PTCHD4: variants seen among roughly 807,000 people sequenced by gnomAD.
PTCHD4 encodes patched domain containing 4.
PTCHD4 carries 33 observed loss-of-function variants against 58.1 expected under a neutral mutation model. That is an observed-to-expected ratio of 0.57 (90% CI 0.43 to 0.76). PTCHD4 has a LOEUF of 0.76. Among genes scored for constraint, PTCHD4 ranks in the 30% least tolerant of loss-of-function variants. The probability of loss-of-function intolerance (pLI) is 0.00; values close to 1 mark genes in which losing one functional copy is unlikely to be tolerated. For synonymous variants in PTCHD4, 478 were observed against 409.6 expected (o/e 1.17, Z -2.02); for missense variants, 1,058 against 1,027.1 (o/e 1.03, Z -0.41).
At chr6:48,060,757 G>A (rs2113868288) in intron 3 of PTCHD4, among the ~76,000 whole-genome samples, 1 of 152,286 alleles carries the variant, frequency 6.6e-6, no homozygotes, top group South Asian at 2.1e-4. Context: ...TTGCAGGCGT[G>A]AGCCACCGTG....
intron 4 of PTCHD4, among the ~76,000 whole-genome samples, chr6:47,937,877 G>C (rs1766060971): frequency 6.6e-6 from 1 of 152,178 alleles, no homozygotes; most frequent in African/African-American, 2.4e-5. Context: ...TTTTGGCTGG[G>C]CGGGTTGGCT....
chr6:47,916,382 G>C (rs1047363284), intron 4 of PTCHD4, among the ~76,000 whole-genome samples: 1 of 152,014 alleles, frequency 6.6e-6, no homozygotes, highest in African/African-American at 2.4e-5. Context: ...GGAATCCTCA[G>C]CAAACCACCC....
chr6:48,102,173 C>T (rs773810058), intron 1 of PTCHD4, among the ~76,000 whole-genome samples: 7 of 152,194 alleles, frequency 4.6e-5, no homozygotes, highest in Non-Finnish European at 7.3e-5. Context: ...TAGCAAACTC[C>T]TCACTCTTCT....
intron 4 of PTCHD4, among the ~76,000 whole-genome samples, chr6:47,886,637 A>G (rs1764202232): frequency 6.6e-6 from 1 of 152,240 alleles, no homozygotes; most frequent in African/African-American, 2.4e-5. Flanking sequence ...TAAATGAATG[A>G]ATAATGAATA....
intron 3 of PTCHD4, among the ~76,000 whole-genome samples, chr6:48,018,960 T>C (rs1327702405): frequency 6.6e-6 from 1 of 152,202 alleles, no homozygotes; most frequent in African/African-American, 2.4e-5. Context: ...AGAAATTCTC[T>C]TCTAAAAAGG....
At chr6:47,947,669 G>A (rs750338544) in intron 4 of PTCHD4, among the ~76,000 whole-genome samples, 7 of 151,890 alleles carry the variant, frequency 4.6e-5, no homozygotes, top group Non-Finnish European at 7.4e-5. Flanking sequence ...TCCATTGGGT[G>A]TTCTTTTCCT....
intron 1 of PTCHD4, among the ~76,000 whole-genome samples, chr6:48,084,039 T>TAA (rs548591757): frequency 1.3e-5 from 2 of 148,940 alleles, no homozygotes; most frequent in Admixed American, 6.7e-5. Context: ...TAGCAGTGAT[T>TAA]AAAAAAAAAA....
chr6:48,011,087 T>C (rs1262496172), intron 3 of PTCHD4, among the ~76,000 whole-genome samples: 1 of 152,240 alleles, frequency 6.6e-6, no homozygotes. Flanking sequence ...CCTTTGGTTA[T>C]ATGCCCAGCA....
intron 4 of PTCHD4, among the ~76,000 whole-genome samples, chr6:47,891,738 C>G (rs892554998): frequency 6.6e-6 from 1 of 152,050 alleles, no homozygotes; most frequent in Admixed American, 6.6e-5. Context: ...CTAAAATACT[C>G]CATGGTCCCC....
chr6:47,961,052 T>G (rs1372264245), intron 4 of PTCHD4, among the ~76,000 whole-genome samples: 2 of 150,578 alleles, frequency 1.3e-5, no homozygotes, highest in Non-Finnish European at 2.9e-5. Context: ...AACAGCAGAA[T>G]TTACAGAGAG....
chr6:48,038,411 G>T (rs1423600978), intron 3 of PTCHD4, among the ~76,000 whole-genome samples: 2 of 151,998 alleles, frequency 1.3e-5, no homozygotes, highest in African/African-American at 4.8e-5. Flanking sequence ...GGAGGCCGAG[G>T]CGGGCAGATC....
intron 1 of PTCHD4, among the ~76,000 whole-genome samples, chr6:48,104,803 T>C (rs1342419712): frequency 6.6e-6 from 1 of 152,178 alleles, no homozygotes; most frequent in Non-Finnish European, 1.5e-5. Context: ...GTTGCAATCC[T>C]AGTCTCGGAT....
intron 3 of PTCHD4, among the ~76,000 whole-genome samples, chr6:48,030,501 T>C (rs1020505727): frequency 1.3e-5 from 2 of 152,122 alleles, no homozygotes; most frequent in African/African-American, 2.4e-5. Context: ...AACAGCTCTC[T>C]TCCAGGATTT....
chr6:48,029,593 A>T (rs888080673), intron 3 of PTCHD4, among the ~76,000 whole-genome samples: 4 of 152,088 alleles, frequency 2.6e-5, no homozygotes, highest in African/African-American at 9.7e-5. Flanking sequence ...ATTTGTAGCC[A>T]TTTAGTAAAA....
Position 47,894,346 on chromosome 6 carries a change from T to C in PTCHD4, c.899-14410A>G, listed in dbSNP as rs117822493. On this transcript the variant is annotated intron_variant, in intron 4 of 4. Coordinates refer to ENST00000339488, the MANE Select transcript of PTCHD4 (RefSeq NM_001384253.1). Reference sequence around the variant, plus strand: ...ATGTTAATTCTTGAAGTCAGGGAATTGAGGATAGCAGGTGGGGAAGATAGC... The same window carrying C: ...ATGTTAATTCTTGAAGTCAGGGAATCGAGGATAGCAGGTGGGGAAGATAGC... 1.3e-3 allele frequency among the ~76,000 whole-genome samples: 205 copies of C among 152,348 alleles called. 1 individual carries two copies. The East Asian group carries it at 0.017, about 13-fold the overall frequency.
chr6:48,074,351 T>C (rs1765024022), intron 1 of PTCHD4, among the ~76,000 whole-genome samples: 1 of 152,244 alleles, frequency 6.6e-6, no homozygotes, highest in Non-Finnish European at 1.5e-5. Context: ...GTCATTTTCC[T>C]CTCGGCCTTG....
chr6:48,058,354 C>A (rs575731503), intron 3 of PTCHD4, among the ~76,000 whole-genome samples: 1 of 152,308 alleles, frequency 6.6e-6, no homozygotes, highest in African/African-American at 2.4e-5. Context: ...AGAACTACTG[C>A]TGTAGAATGA....
chr6:48,022,229 C>T (rs752593142), intron 3 of PTCHD4, among the ~76,000 whole-genome samples: 13 of 151,380 alleles, frequency 8.6e-5, no homozygotes, highest in Non-Finnish European at 1.6e-4. Context: ...CCCTTTCTCC[C>T]TGTTTTCCTC....
intron 1 of PTCHD4, among the ~76,000 whole-genome samples, chr6:48,079,134 A>C (rs1449207353): frequency 6.6e-6 from 1 of 151,636 alleles, no homozygotes; most frequent in Non-Finnish European, 1.5e-5. Flanking sequence ...AAAAAAAAAA[A>C]AGAAATTGCA....
Sources: allele counts gnomAD v4.1 joint callset (sites outside exome capture counted in the v4.1 genomes callset), GRCh38; gene constraint gnomAD v4.1.1; transcripts MANE v1.5; gene names NCBI Gene and HGNC (gene_info 2026-07-23, HGNC 2026-07-21).